Variants in PDZD4 observed in about 807,000 individuals in gnomAD.
PDZD4 encodes the protein PDZ domain-containing protein 4.
PDZD4 carries 9 observed loss-of-function variants against 38.5 expected under a neutral mutation model. That is an observed-to-expected ratio of 0.23 (90% CI 0.14 to 0.41). The LOEUF (loss-of-function observed/expected upper bound fraction) is 0.41. Among genes scored for constraint, PDZD4 ranks in the 10% least tolerant of loss-of-function variants. PDZD4 has a pLI of 1.00. For missense variants in PDZD4, 612 were observed against 722.0 expected (o/e 0.85, Z 1.75); for synonymous variants, 349 against 315.7 (o/e 1.11, Z -1.12).
At chrX:153,806,436 G>A (rs781926792) in intron 4 of PDZD4, among the ~76,000 whole-genome samples, 27 of 112,848 alleles carry the variant, frequency 2.4e-4, no homozygotes, top group African/African-American at 8.4e-4. Context: ...AGGGAGGGGA[G>A]CGAGGGGCCA....
At position 153,803,400 on chromosome X, in the gene PDZD4, C is replaced by A. The variant is rs2092187313; in HGVS notation, c.2281G>T (p.Asp761Tyr). 8.8e-7 allele frequency: 1 copy of A among 1,141,280 alleles called. No homozygotes were observed. Among genetic ancestry groups the A allele is most frequent in the Admixed American group, 3.0e-5 (1 of 33,745 alleles). The allele number at this position is 1,141,280 out of a possible 1,213,427, so 94.1% of individuals were successfully genotyped here. Residue 761 changes from aspartate (D) to tyrosine (Y), a missense_variant, in exon 8 of 8, where the codon GAT (aspartate) becomes TAT (tyrosine). Coordinates refer to ENST00000393758, the MANE Select transcript of PDZD4 (RefSeq NM_001303512.2). ...EMLAHGARSA[D>Y]GKRVYNPLLS... is the part of the protein sequence containing the mutation. Reference sequence around the variant, plus strand: ...AGAGGGTTGTAGACCCGCTTGCCATCGGCGGAGCGCGCGCCGTGGGCCAGC... The same window carrying A: ...AGAGGGTTGTAGACCCGCTTGCCATAGGCGGAGCGCGCGCCGTGGGCCAGC...
At chrX:153,815,400 C>T (rs2064350942) in intron 1 of PDZD4, among the ~76,000 whole-genome samples, 2 of 111,908 alleles carry the variant, frequency 1.8e-5, no homozygotes, top group Non-Finnish European at 3.8e-5. Flanking sequence ...TCCTCCCAGC[C>T]GACCCCATCA....
rs782062963 is a variant in PDZD4, at chrX:153,805,131, C to T, written c.746G>A (p.Arg249His). The T allele has an allele frequency of 1.1e-5, 13 of 1,209,656 alleles. No homozygotes were observed. In the Admixed American group the frequency reaches 2.4e-4, roughly 22 times the overall value. Residue 249 changes from arginine to histidine, a missense_variant, in exon 7 of 8, where the codon CGT becomes CAT. By Grantham distance (29) the Arg-to-His change is conservative (BLOSUM62 0). Coordinates refer to ENST00000393758, the MANE Select transcript of PDZD4 (RefSeq NM_001303512.2). ...DFGSENEGEL[R>H]ARKLKSPPAQ... ...AGGGGGTGATTTCAGTTTACGAGCA[C>T]GCAGCTCCCCCTCATTCTCAGAGCC... is the stretch of plus-strand genomic sequence containing the variant.
chrX:153,819,354 G>C (rs1557080729), intron 1 of PDZD4, among the ~76,000 whole-genome samples: 2 of 113,079 alleles, frequency 1.8e-5, no homozygotes, highest in African/African-American at 6.4e-5. Flanking sequence ...CGAGAAGAGA[G>C]GCCGGAGAGG....
chrX:153,823,385 A>G (rs782230870), intron 1 of PDZD4, among the ~76,000 whole-genome samples: 3 of 110,161 alleles, frequency 2.7e-5, no homozygotes, highest in African/African-American at 9.9e-5. Flanking sequence ...TGCCCGGCTA[A>G]TTTTGTATTT....
chrX:153,823,362 G>A (rs2064447249), intron 1 of PDZD4, among the ~76,000 whole-genome samples: 1 of 110,499 alleles, frequency 9.0e-6, no homozygotes. Flanking sequence ...GGGATTACAG[G>A]CATGTGTCAC....
Position 153,803,251 on chromosome X carries a change from A to G in PDZD4, c.*102T>C, listed in dbSNP as rs1459482604. 2 of 578,605 alleles carry G rather than the reference A, an allele frequency of 3.5e-6. No individual in the cohort carries two copies. Among genetic ancestry groups the G allele is most frequent in the Non-Finnish European group, 4.8e-6 (2 of 413,524 alleles). 47.7% of individuals were successfully genotyped at this position (578,605 alleles called of 1,213,427 possible). On this transcript the variant is annotated 3_prime_UTR_variant, in exon 8 of 8. Transcript: ENST00000393758. Reference sequence around the variant, plus strand: ...AGATGTGTGCGTGCGCACAGCGAGCACGCGCGCGCGCACACACACACACAC... The same window carrying G: ...AGATGTGTGCGTGCGCACAGCGAGCGCGCGCGCGCGCACACACACACACAC...
At chrX:153,806,615 C>T (rs922577349) in intron 4 of PDZD4, 127 bp downstream of exon 4, 4 of 566,141 alleles carry the variant, frequency 7.1e-6, no homozygotes, top group Non-Finnish European at 8.8e-6. Flanking sequence ...CGACCATCAT[C>T]GCCTCACCAC....
At position 153,823,506 on chromosome X, in the gene PDZD4, C is replaced by T. The variant is rs187187206; in HGVS notation, c.60+6733G>A. Among the ~76,000 whole-genome samples, 63 of 110,338 alleles carry T rather than the reference C, an allele frequency of 5.7e-4. No homozygotes were observed. In the East Asian group the frequency reaches 0.015, roughly 26 times the overall value. ...GTGCTGGGATTACAGGCGTGAGCCA[C>T]CACGCCTGGTCAATTTTTTGTATTT... On this transcript the variant is annotated intron_variant, in intron 1 of 7. Transcript: ENST00000393758.
chrX:153,803,745 G>A lies in PDZD4; in HGVS notation c.1936C>T (p.Pro646Ser). The A allele has an allele frequency of 8.3e-7, 1 of 1,209,333 alleles. No homozygotes were observed. Among genetic ancestry groups the A allele is most frequent in the Non-Finnish European group, 1.1e-6 (1 of 895,467 alleles). The change falls in exon 8 of 8, where the codon CCC becomes TCC. Residue 646 changes from proline (P) to serine (S), a missense_variant. By Grantham distance (74) the Pro-to-Ser change is moderately conservative. Transcript: ENST00000393758. ...SDGTRYVAKR[P>S]VRDRLLKARA... ...GCTTTCAGCAGCCGATCTCGCACGG[G>A]CCGCTTGGCCACGTAGCGGGTTCCG...
chrX:153,804,095 C>A lies in PDZD4; in HGVS notation c.1586G>T (p.Ser529Ile). The change falls in exon 8 of 8, where the codon AGC becomes ATC. Residue 529 changes from serine to isoleucine, a missense_variant. This residue lies in a region of PDZD4 where 300 missense variants were observed against 284.6 expected (regional missense o/e 1.05). Transcript: ENST00000393758. The part of the protein sequence containing the change: ...TPAKAAPPPG[S>I]PAKFRSLSRD... Reference sequence around the variant, plus strand: ...GGAGAGGGACCGGAACTTGGCGGGGCTCCCCGGTGGAGGAGCTGCCTTGGC... The same window carrying A: ...GGAGAGGGACCGGAACTTGGCGGGGATCCCCGGTGGAGGAGCTGCCTTGGC... 8.7e-7 allele frequency: 1 copy of A among 1,154,470 alleles called. No individual in the cohort carries two copies. The highest frequency in any genetic ancestry group is 1.9e-5 in the South Asian group (1 of 51,770).
At chrX:153,813,375 C>T (rs1464488940) in intron 1 of PDZD4, among the ~76,000 whole-genome samples, 2 of 111,478 alleles carry the variant, frequency 1.8e-5, no homozygotes, top group African/African-American at 6.5e-5. Flanking sequence ...AAAGGGGACC[C>T]ACTAGCAAGC....
intron 1 of PDZD4, among the ~76,000 whole-genome samples, chrX:153,815,973 G>A (rs1163230889): frequency 3.0e-5 from 3 of 99,331 alleles, no homozygotes; most frequent in African/African-American, 1.1e-4. Context: ...CTGAGCAGAA[G>A]AGGACAGGAG....
chrX:153,827,002 G>A (rs7054174), intron 1 of PDZD4, among the ~76,000 whole-genome samples: 3,255 of 111,735 alleles, frequency 0.029, 142 homozygotes, highest in African/African-American at 0.1. Context: ...GAAACTTGAG[G>A]GACTTAGAAT....
intron 1 of PDZD4, among the ~76,000 whole-genome samples, chrX:153,820,272 G>A (rs1197518699): frequency 9.5e-6 from 1 of 105,283 alleles, no homozygotes; most frequent in Non-Finnish European, 2.0e-5. Context: ...ACTTGAACCC[G>A]GGTGGCGGAG....
chrX:153,810,598 C>T (rs1557078584), intron 1 of PDZD4, among the ~76,000 whole-genome samples: 1 of 112,797 alleles, frequency 8.9e-6, no homozygotes, highest in African/African-American at 3.2e-5. Context: ...CCGAGTTGTG[C>T]GAATATTAGC....
At chrX:153,811,855 G>A (rs782178052) in intron 1 of PDZD4, among the ~76,000 whole-genome samples, 14 of 112,063 alleles carry the variant, frequency 1.2e-4, no homozygotes, top group Non-Finnish European at 2.3e-4. Flanking sequence ...GTTCAGGAAG[G>A]CTGTAGACAA....
At chrX:153,826,386 G>A (rs148524096) in intron 1 of PDZD4, among the ~76,000 whole-genome samples, 1,396 of 110,521 alleles carry the variant, frequency 0.013, 28 homozygotes, top group African/African-American at 0.042. Context: ...TAGTAAGGTC[G>A]CAAGATATAG....
At chrX:153,806,255 G>T in intron 4 of PDZD4, 122 bp from the exon 5 acceptor site, 1 of 686,161 alleles carries the variant, frequency 1.5e-6, no homozygotes, top group South Asian at 2.3e-5. Flanking sequence ...TTCCAGCTCT[G>T]AGCCCCAGGA....
Sources: allele counts gnomAD v4.1 joint callset (sites outside exome capture counted in the v4.1 genomes callset), GRCh38; gene constraint gnomAD v4.1.1; regional missense constraint gnomAD v4.1.1; transcripts MANE v1.5; gene names NCBI Gene and HGNC (gene_info 2026-07-23, HGNC 2026-07-21).